Variants in CNTN4 observed in about 807,000 individuals in gnomAD.
CNTN4 encodes the protein contactin 4, also known as contactin-4.
CNTN4 carries 77 observed loss-of-function variants against 122.5 expected under a neutral mutation model. The ratio of observed to expected loss-of-function variants is 0.63; its 90% CI spans 0.52 to 0.76. CNTN4 has a LOEUF of 0.76. Ranked by LOEUF, CNTN4 falls within the 30% of genes least tolerant of loss-of-function variation. The pLI is 0.00. For synonymous variants in CNTN4, 512 were observed against 447.0 expected (o/e 1.15, Z -1.83); for missense variants, 1,256 against 1,259.1 (o/e 1.00, Z 0.04).
chr3:2,932,607 C>A (rs2094531160), intron 13 of CNTN4, among the ~76,000 whole-genome samples: 1 of 151,940 alleles, frequency 6.6e-6, no homozygotes. Context: ...GTGAGGGAGG[C>A]AAGTCTTAAT....
intron 3 of CNTN4, among the ~76,000 whole-genome samples, chr3:2,392,021 T>C (rs1315602336): frequency 6.6e-6 from 1 of 152,200 alleles, no homozygotes; most frequent in African/African-American, 2.4e-5. Context: ...CTGCTTCTTA[T>C]GCATCTCAGA....
intron 11 of CNTN4, among the ~76,000 whole-genome samples, 196 bp from the exon 12 acceptor site, chr3:2,902,680 G>A (rs1408840605): frequency 6.6e-6 from 1 of 152,140 alleles, no homozygotes; most frequent in Non-Finnish European, 1.5e-5. Context: ...TTTACCAACT[G>A]ATGTACTGGT....
At chr3:2,149,921 C>T (rs1290836508) in intron 2 of CNTN4, among the ~76,000 whole-genome samples, 1 of 150,944 alleles carries the variant, frequency 6.6e-6, no homozygotes, top group Admixed American at 6.6e-5. Flanking sequence ...GTCAGGCAGA[C>T]CTTTGCGTTT....
chr3:2,359,290 T>G (rs531181408), intron 3 of CNTN4, among the ~76,000 whole-genome samples: 1 of 151,962 alleles, frequency 6.6e-6, no homozygotes, highest in African/African-American at 2.4e-5. Flanking sequence ...CGCATACAGC[T>G]ATGTAATTAT....
At chr3:2,546,570 A>G (rs1007512187) in intron 3 of CNTN4, among the ~76,000 whole-genome samples, 1 of 152,110 alleles carries the variant, frequency 6.6e-6, no homozygotes, top group Non-Finnish European at 1.5e-5. Flanking sequence ...TGATGAAATA[A>G]TCTGTACACC....
intron 2 of CNTN4, among the ~76,000 whole-genome samples, chr3:2,316,064 T>C (rs1049749729): frequency 2.0e-5 from 3 of 152,092 alleles, no homozygotes; most frequent in Non-Finnish European, 4.4e-5. Flanking sequence ...CCCAAATGTC[T>C]CATCCTTGTG....
chr3:2,809,706 A>C (rs1347649506), intron 6 of CNTN4, among the ~76,000 whole-genome samples: 1 of 152,216 alleles, frequency 6.6e-6, no homozygotes, highest in East Asian at 1.9e-4. Context: ...AATAGCTTGC[A>C]TGTTAGGGCA....
intron 3 of CNTN4, among the ~76,000 whole-genome samples, chr3:2,532,672 C>G (rs891816968): frequency 6.6e-6 from 1 of 151,968 alleles, no homozygotes; most frequent in Non-Finnish European, 1.5e-5. Context: ...GCTTAATTTA[C>G]CAATTATTAG....
intron 2 of CNTN4, among the ~76,000 whole-genome samples, chr3:2,167,648 G>C (rs139099604): frequency 1.3e-5 from 2 of 152,236 alleles, no homozygotes; most frequent in East Asian, 1.9e-4. Flanking sequence ...CCAATGCTTT[G>C]ATAACCATAA....
rs994522904 is a variant in CNTN4, at chr3:2,681,127, C to T, written c.56-55088C>T. Among the ~76,000 whole-genome samples the T allele has an allele frequency of 5.9e-5, 9 of 152,226 alleles. No individual in the cohort carries two copies. The South Asian group carries it at 6.2e-4, about 11-fold the overall frequency. Reference sequence around the variant, plus strand: ...TCATTCTGGGTACCAGGAAAACCTGCGAGATACGGCCCGCCACCCAAGGAT... The same window carrying T: ...TCATTCTGGGTACCAGGAAAACCTGTGAGATACGGCCCGCCACCCAAGGAT... On this transcript the variant is annotated intron_variant, in intron 4 of 24. Coordinates refer to ENST00000418658, the MANE Select transcript of CNTN4 (RefSeq NM_175607.3).
chr3:2,393,463 T>C (rs72996047), intron 3 of CNTN4, among the ~76,000 whole-genome samples: 21,977 of 152,130 alleles, frequency 0.14, 1,979 homozygotes, highest in Middle Eastern at 0.21. Flanking sequence ...CATTCCTTTT[T>C]AGTACATTTC....
intron 6 of CNTN4, among the ~76,000 whole-genome samples, chr3:2,759,337 G>T (rs2090481822): frequency 6.6e-6 from 1 of 152,018 alleles, no homozygotes; most frequent in Non-Finnish European, 1.5e-5. Flanking sequence ...TGTATTTTCA[G>T]TAGAGACAGG....
intron 4 of CNTN4, among the ~76,000 whole-genome samples, chr3:2,579,069 C>G (rs914005744): frequency 2.0e-5 from 3 of 152,176 alleles, no homozygotes; most frequent in African/African-American, 4.8e-5. Flanking sequence ...AGCAAGCACA[C>G]AACCCAAAAG....
intron 4 of CNTN4, among the ~76,000 whole-genome samples, chr3:2,588,299 C>G (rs1559274365): frequency 6.6e-6 from 1 of 152,084 alleles, no homozygotes; most frequent in Admixed American, 6.5e-5. Context: ...TTAGTTTAAT[C>G]AGAAGAACTC....
intron 3 of CNTN4, among the ~76,000 whole-genome samples, chr3:2,539,397 A>T (rs1304636136): frequency 6.6e-6 from 1 of 152,080 alleles, no homozygotes; most frequent in Non-Finnish European, 1.5e-5. Flanking sequence ...ATTCTCTGTC[A>T]ATTGGCACTA....
At chr3:2,162,071 C>T (rs2035988431) in intron 2 of CNTN4, among the ~76,000 whole-genome samples, 2 of 152,104 alleles carry the variant, frequency 1.3e-5, no homozygotes, top group African/African-American at 4.8e-5. Flanking sequence ...TATTCTTTTT[C>T]AATGAGAATA....
chr3:2,873,641 A>G (rs1352072630), intron 8 of CNTN4, among the ~76,000 whole-genome samples: 1 of 152,342 alleles, frequency 6.6e-6, no homozygotes, highest in South Asian at 2.1e-4. Flanking sequence ...ATACTGCTCC[A>G]TGCTACATTA....
rs17021682 is a variant in CNTN4, at chr3:2,882,942, T to G, written c.653-203T>G. 5,571 of 519,562 alleles carry G rather than the reference T, an allele frequency of 0.011. 254 individuals carry two copies. Among genetic ancestry groups the G allele is most frequent in the African/African-American group, 0.095 (4,933 of 51,828 alleles). The allele number at this position is 519,562 out of a possible 1,614,324, so 32.2% of individuals were successfully genotyped here. ...ATTTAATCCAGGCAAATGGTGTGGT[T>G]CTGCGACACAAATTTTTCTGTAGCA... is the stretch of plus-strand genomic sequence containing the variant. On this transcript the variant is annotated intron_variant, in intron 8 of 24. Coordinates refer to ENST00000418658, the MANE Select transcript of CNTN4 (RefSeq NM_175607.3).
intron 15 of CNTN4, among the ~76,000 whole-genome samples, chr3:3,027,257 G>T (rs1244791522): frequency 6.6e-6 from 1 of 152,144 alleles, no homozygotes; most frequent in Non-Finnish European, 1.5e-5. Context: ...AATGACTGTT[G>T]TCTCAGTTCT....
Sources: allele counts gnomAD v4.1 joint callset (sites outside exome capture counted in the v4.1 genomes callset), GRCh38; gene constraint gnomAD v4.1.1; transcripts MANE v1.5; gene names NCBI Gene and HGNC (gene_info 2026-07-23, HGNC 2026-07-21).